Variants in RAPGEF6 observed in about 807,000 individuals in gnomAD.
RAPGEF6 encodes the protein Rap guanine nucleotide exchange factor 6.
RAPGEF6 carries 56 observed loss-of-function variants against 171.4 expected under a neutral mutation model. That is an observed-to-expected ratio of 0.33 (90% confidence interval 0.26 to 0.41). RAPGEF6 has a LOEUF of 0.41. Ranked by LOEUF, RAPGEF6 falls within the 10% of genes least tolerant of loss-of-function variation. The pLI is 1.00. For missense variants in RAPGEF6, 1,674 were observed against 1,921.4 expected, an observed-to-expected ratio of 0.87 and a Z score of 2.41; for synonymous variants, 692 against 650.1, an observed-to-expected ratio of 1.06 and a Z score of -0.98.
intron 4 of RAPGEF6, among the ~76,000 whole-genome samples, chr5:131,570,038 T>C (rs576439593): frequency 1.6e-5 from 1 of 61,352 alleles, no homozygotes; most frequent in South Asian, 6.3e-4. Context: ...CAAGACTCTG[T>C]CTCAAAAAAA....
intron 13 of RAPGEF6, 93 bp downstream of exon 13, chr5:131,495,460 C>T (rs1756579366): frequency 1.1e-6 from 1 of 907,128 alleles, no homozygotes; most frequent in Non-Finnish European, 1.7e-6. Flanking sequence ...ATTTAAGACA[C>T]AGGAAAGAAT....
chr5:131,608,196 T>C (rs1764721132), intron 1 of RAPGEF6, among the ~76,000 whole-genome samples: 1 of 152,162 alleles, frequency 6.6e-6, no homozygotes, highest in Admixed American at 6.5e-5. Context: ...CAGAGTTAAG[T>C]AGTTGTAAGA....
intron 7 of RAPGEF6, among the ~76,000 whole-genome samples, chr5:131,516,529 C>T (rs181861770): frequency 1.3e-5 from 2 of 152,180 alleles, no homozygotes; most frequent in South Asian, 2.1e-4. Flanking sequence ...TTTAAGAACA[C>T]GCTTACTGCC....
At position 131,583,281 on chromosome 5, in the gene RAPGEF6, T is replaced by C. The variant is rs114321513; in HGVS notation, c.281+9102A>G. 5.9e-3 allele frequency among the ~76,000 whole-genome samples: 906 copies of C among 152,310 alleles called. 6 individuals are homozygous for C. The highest frequency in any genetic ancestry group is 0.021 in the African/African-American group (868 of 41,576). ...GACATGCCTTGTTATATCCCCTCCA[T>C]TGTGAAGTTTAGACACAACTTATGA... On this transcript the variant is annotated intron_variant, in intron 4 of 27. Transcript: ENST00000509018.
At chr5:131,433,711 G>A in intron 24 of RAPGEF6, 53 bp from the exon 25 acceptor site, 2 of 1,310,242 alleles carry the variant, frequency 1.5e-6, no homozygotes, top group Non-Finnish European at 2.2e-6. Context: ...ACATATGGTG[G>A]GGGTAGTAGG....
In RAPGEF6 at chr5:131,505,512, C is replaced by G; in HGVS notation, c.953G>C (p.Trp318Ser). Residue 318 changes from tryptophan to serine, a missense_variant, in exon 10 of 28, where the codon TGG (tryptophan) becomes TCG (serine). Coordinates refer to ENST00000509018, the MANE Select transcript of RAPGEF6 (RefSeq NM_016340.6). The part of the protein sequence containing the change: ...ILEDGQELDS[W>S]YVILNGTVEI... ...CACAGTGCCGTTTAAAATAACATACCATGAGTCAAGCTATAGAGAAAAACA... is the reference window on the plus strand; with the variant it reads ...CACAGTGCCGTTTAAAATAACATACGATGAGTCAAGCTATAGAGAAAAACA... The G allele has an allele frequency of 6.2e-7, 1 of 1,612,688 alleles. No individual in the cohort carries two copies. The highest frequency in any genetic ancestry group is 8.5e-7 in the Non-Finnish European group (1 of 1,179,326).
intron 1 of RAPGEF6, among the ~76,000 whole-genome samples, chr5:131,623,477 C>CATTTTTTTTTTT (rs1554088737): frequency 1.8e-5 from 2 of 114,184 alleles, no homozygotes; most frequent in African/African-American, 3.4e-5. Context: ...TTTCACATTG[C>CATTTTTTTTTTT]TTTTTTTTTT....
chr5:131,432,985 G>A (rs1229545666), intron 25 of RAPGEF6, among the ~76,000 whole-genome samples: 1 of 150,934 alleles, frequency 6.6e-6, no homozygotes, highest in East Asian at 2.0e-4. Context: ...ATTAACCTTT[G>A]CTAGGTGATT....
chr5:131,597,239 G>A (rs1294299614), intron 3 of RAPGEF6, among the ~76,000 whole-genome samples: 1 of 151,970 alleles, frequency 6.6e-6, no homozygotes, highest in Non-Finnish European at 1.5e-5. Context: ...AGGATTTCAG[G>A]AGAAGGGAAC....
chr5:131,424,544 C>T lies in RAPGEF6; in HGVS notation c.*2722G>A, dbSNP rs1484623394. The T allele has an allele frequency of 2.0e-5, 3 of 152,346 alleles. No individual in the cohort carries two copies. Among genetic ancestry groups the T allele is most frequent in the South Asian group, 4.1e-4 (2 of 4,824 alleles). 9.4% of individuals were successfully genotyped at this position (152,346 alleles called of 1,614,324 possible). On this transcript the variant is annotated 3_prime_UTR_variant, in exon 28 of 28. Coordinates refer to ENST00000509018, the MANE Select transcript of RAPGEF6 (RefSeq NM_016340.6). ...AAAATTAGATTTGTTCTTAAAAACA[C>T]CCATGATTACCATCACATTTTCAGC... is the stretch of plus-strand genomic sequence containing the variant.
At chr5:131,630,166 C>T (rs907805547) in intron 1 of RAPGEF6, among the ~76,000 whole-genome samples, 5 of 152,316 alleles carry the variant, frequency 3.3e-5, no homozygotes, top group South Asian at 2.1e-4. Context: ...CCCCAATCTT[C>T]GGCAACTACC....
intron 15 of RAPGEF6, among the ~76,000 whole-genome samples, chr5:131,487,742 G>A (rs1050338977): frequency 3.9e-5 from 6 of 152,150 alleles, no homozygotes; most frequent in Non-Finnish European, 8.8e-5. Flanking sequence ...CAGTATCACT[G>A]AACCAATGTC....
intron 22 of RAPGEF6, among the ~76,000 whole-genome samples, chr5:131,445,694 T>C (rs566801110): frequency 1.3e-5 from 2 of 152,108 alleles, no homozygotes; most frequent in African/African-American, 4.8e-5. Context: ...GTGACCTGCC[T>C]GCCTCAGCCT....
chr5:131,519,997 A>T (rs894361969), intron 7 of RAPGEF6, among the ~76,000 whole-genome samples: 1 of 152,170 alleles, frequency 6.6e-6, no homozygotes, highest in South Asian at 2.1e-4. Flanking sequence ...AACAGGGAAA[A>T]ATTCCTTGTT....
At chr5:131,630,851 T>C (rs976324788) in intron 1 of RAPGEF6, among the ~76,000 whole-genome samples, 1 of 152,228 alleles carries the variant, frequency 6.6e-6, no homozygotes. Context: ...GATTTCAACA[T>C]ACTAATTCTC....
intron 7 of RAPGEF6, among the ~76,000 whole-genome samples, chr5:131,510,757 A>G (rs576277951): frequency 6.6e-6 from 1 of 152,322 alleles, no homozygotes; most frequent in Non-Finnish European, 1.5e-5. Flanking sequence ...AAACATCACT[A>G]AATGTATTAA....
At chr5:131,610,054 A>G (rs753668405) in intron 1 of RAPGEF6, among the ~76,000 whole-genome samples, 2 of 152,240 alleles carry the variant, frequency 1.3e-5, no homozygotes, top group Non-Finnish European at 2.9e-5. Flanking sequence ...CTTTCAGCTT[A>G]AAGGCAATAA....
rs750028606 is a variant in RAPGEF6 at position 131,442,535 on chromosome 5, T to G, written c.3424A>C (p.Thr1142Pro). Reference protein sequence around the residue: ...LQWEPAYGTLTKNLSEKRSAK... With the variant: ...LQWEPAYGTLPKNLSEKRSAK... ...GATCTTTTCTCACTTAAATTCTTGG[T>G]CACTAACAGGAGAGAGTAAGAAATA... is the stretch of plus-strand genomic sequence containing the variant. Residue 1142 changes from threonine to proline, a missense_variant and splice_region_variant, in exon 23 of 28, where the codon ACC becomes CCC. Thr to Pro is a conservative substitution (Grantham distance 38). This residue lies in a region of RAPGEF6 where 552 missense variants were observed against 574.2 expected (regional missense o/e 0.96). Coordinates refer to ENST00000509018, the MANE Select transcript of RAPGEF6 (RefSeq NM_016340.6). 2.1e-5 allele frequency: 34 copies of G among 1,613,720 alleles called. 1 individual carries two copies. The highest frequency in any genetic ancestry group is 1.9e-4 in the South Asian group (17 of 91,040).
At chr5:131,563,507 T>C (rs1356037418) in intron 4 of RAPGEF6, among the ~76,000 whole-genome samples, 1 of 152,182 alleles carries the variant, frequency 6.6e-6, no homozygotes, top group Non-Finnish European at 1.5e-5. Flanking sequence ...AAATCACTTA[T>C]GTTTTTTCTT....
Sources: allele counts gnomAD v4.1 joint callset (sites outside exome capture counted in the v4.1 genomes callset), GRCh38; gene constraint gnomAD v4.1.1; regional missense constraint gnomAD v4.1.1; transcripts MANE v1.5; gene names NCBI Gene and HGNC (gene_info 2026-07-23, HGNC 2026-07-21).